The following PPP2R2C variants were observed in gnomAD, a reference collection of about 807,000 sequenced individuals.
PPP2R2C encodes the protein protein phosphatase 2, regulatory subunit B, gamma.
Under a neutral mutation model 45.3 loss-of-function variants are expected in PPP2R2C, and 10 were observed. The observed-to-expected ratio is 0.22, with a 90% CI of 0.14 to 0.37. PPP2R2C has a LOEUF of 0.37. PPP2R2C is among the 10% of genes least tolerant of loss of function. PPP2R2C has a pLI of 1.00. For synonymous variants in PPP2R2C, 257 were observed against 245.4 expected (o/e 1.05, Z -0.44); for missense variants, 308 against 619.7 (o/e 0.50, Z 5.34).
At chr4:6,483,328 G>T (rs1414460099) in intron 2 of PPP2R2C, among the ~76,000 whole-genome samples, 2 of 152,068 alleles carry the variant, frequency 1.3e-5, no homozygotes, top group East Asian at 3.8e-4. Context: ...AGAATAGTTT[G>T]TGTTATTATA....
intron 1 of PPP2R2C, among the ~76,000 whole-genome samples, chr4:6,458,770 G>A (rs540628654): frequency 5.9e-5 from 9 of 152,152 alleles, no homozygotes; most frequent in Non-Finnish European, 1.0e-4. Context: ...CTACTGACAC[G>A]TTGTGGGATG....
intron 1 of PPP2R2C, among the ~76,000 whole-genome samples, chr4:6,428,507 G>A (rs564501218): frequency 1.3e-5 from 2 of 152,370 alleles, no homozygotes; most frequent in East Asian, 3.9e-4. Flanking sequence ...AGACAGGGAA[G>A]AAACCAATTG....
intron 5 of PPP2R2C, chr4:6,351,075 C>T (rs970976507): frequency 5.2e-6 from 5 of 958,590 alleles, no homozygotes; most frequent in Non-Finnish European, 5.0e-6. Context: ...GAGGTCAAGG[C>T]GAGCAGGTCA....
At chr4:6,349,092 G>C in intron 5 of PPP2R2C, 1 of 985,260 alleles carries the variant, frequency 1.0e-6, no homozygotes, top group South Asian at 4.7e-5. Context: ...AGCATGCAAG[G>C]ACTGGCACCC....
At chr4:6,542,287 C>G (rs925660447) in intron 1 of PPP2R2C, among the ~76,000 whole-genome samples, 9 of 152,230 alleles carry the variant, frequency 5.9e-5, no homozygotes, top group African/African-American at 1.9e-4. Context: ...GGGATGCTCC[C>G]CCAAACCTCA....
chr4:6,473,758 T>G (rs1268563250), upstream of PPP2R2C, among the ~76,000 whole-genome samples: 1 of 152,168 alleles, frequency 6.6e-6, no homozygotes, highest in Non-Finnish European at 1.5e-5. Context: ...GCAGGGAGAC[T>G]GGGGCTGTGG....
At chr4:6,339,989 ACT>A (rs1282511512) in intron 6 of PPP2R2C, among the ~76,000 whole-genome samples, 1 of 151,882 alleles carries the variant, frequency 6.6e-6, no homozygotes, top group Non-Finnish European at 1.5e-5. Context: ...AGGTGATGCC[ACT>A]GTTTGGGGAG....
chr4:6,525,630 G>C (rs1577239489), intron 2 of PPP2R2C, among the ~76,000 whole-genome samples: 1 of 152,140 alleles, frequency 6.6e-6, no homozygotes, highest in East Asian at 1.9e-4. Flanking sequence ...CCTTTCGAAA[G>C]CCTTGCCCTA....
At chr4:6,523,836 C>T (rs1447853956) in intron 2 of PPP2R2C, among the ~76,000 whole-genome samples, 2 of 152,174 alleles carry the variant, frequency 1.3e-5, no homozygotes, top group Non-Finnish European at 1.5e-5. Context: ...CATCCACAGA[C>T]GAATGGATAA....
chr4:6,453,603 C>T (rs1251113182), intron 1 of PPP2R2C, among the ~76,000 whole-genome samples: 1 of 151,880 alleles, frequency 6.6e-6, no homozygotes, highest in Non-Finnish European at 1.5e-5. Flanking sequence ...ACGTGGTGTG[C>T]ACCGGGTCTG....
rs144233362 is a variant in PPP2R2C, at chr4:6,552,433, C to G, written c.-59+11127G>C. On this transcript the variant is annotated intron_variant, in intron 1 of 9. Coordinates refer to the PPP2R2C transcript ENST00000506140. ...GGTGTCCGCATTCCTTGGCTCATGA[C>G]CCCTCCCTCCATCTTCAAAACCATC... 2.5e-3 allele frequency among the ~76,000 whole-genome samples: 382 copies of G among 152,110 alleles called. 4 individuals are homozygous for G. Among genetic ancestry groups the G allele is most frequent in the African/African-American group, 9.0e-3 (374 of 41,470 alleles).
chr4:6,474,344 T>G (rs938515748), upstream of PPP2R2C, among the ~76,000 whole-genome samples: 1 of 152,098 alleles, frequency 6.6e-6, no homozygotes, highest in Non-Finnish European at 1.5e-5. Context: ...CAACCTCATC[T>G]GTAAAGTGGA....
At chr4:6,381,720 C>T in intron 1 of PPP2R2C, 1 of 1,575,208 alleles carries the variant, frequency 6.3e-7, no homozygotes, top group Non-Finnish European at 8.6e-7. Flanking sequence ...GCACTTCATC[C>T]CAACCATGTT....
Position 6,378,434 on chromosome 4 carries a change from C to G in PPP2R2C, c.307G>C (p.Ala103Pro), listed in dbSNP as rs768337204. 1.2e-6 allele frequency: 2 copies of G among 1,614,182 alleles called. No individual in the cohort carries two copies. The highest frequency in any genetic ancestry group is 1.7e-4 in the Middle Eastern group (1 of 6,060). Reference sequence around the variant, plus strand: ...TTGGTGGACAGGAGTGAGTGGGCGGCGTTCTGCTGTGGGAGCCACTTGATC... The same window carrying G: ...TTGGTGGACAGGAGTGAGTGGGCGGGGTTCTGCTGTGGGAGCCACTTGATC... ...NKIKWLPQQNAAHSLLSTNDK... is the reference protein window; with the variant it reads ...NKIKWLPQQNPAHSLLSTNDK... The change falls in exon 3 of 9, where the codon GCC (alanine) becomes CCC (proline). Residue 103 changes from alanine to proline, a missense_variant. By Grantham distance (27) the Ala-to-Pro change is conservative. Coordinates refer to ENST00000382599, the MANE Select transcript of PPP2R2C (RefSeq NM_020416.4). The surrounding 1 kb of genome is among the most constrained non-coding windows in gnomAD (Gnocchi z 5.2).
intron 1 of PPP2R2C, among the ~76,000 whole-genome samples, chr4:6,394,464 G>C (rs1242040855): frequency 6.6e-6 from 1 of 152,266 alleles, no homozygotes; most frequent in Non-Finnish European, 1.5e-5. Context: ...ATGACAGAGA[G>C]AGGAAAAGGG....
intron 2 of PPP2R2C, among the ~76,000 whole-genome samples, chr4:6,501,422 C>T (rs927380554): frequency 7.9e-5 from 12 of 152,128 alleles, no homozygotes; most frequent in Non-Finnish European, 1.8e-4. Flanking sequence ...AAAATGCTGA[C>T]GGAGACCCTC....
intron 1 of PPP2R2C, among the ~76,000 whole-genome samples, chr4:6,434,683 C>T (rs1719811074): frequency 6.6e-6 from 1 of 152,114 alleles, no homozygotes; most frequent in Admixed American, 6.6e-5. Flanking sequence ...TTCCATCAGA[C>T]AAGGATTAGA....
At chr4:6,503,723 C>T (rs1190854622) in intron 2 of PPP2R2C, among the ~76,000 whole-genome samples, 4 of 151,700 alleles carry the variant, frequency 2.6e-5, no homozygotes, top group Non-Finnish European at 4.4e-5. Context: ...TGTAAGCAAA[C>T]CTAAACATCC....
rs866775744 is a variant in PPP2R2C, at chr4:6,350,096, G to A, written c.626-2086C>T. The A allele has an allele frequency of 2.4e-5, 24 of 985,422 alleles. No homozygotes were observed. In the South Asian group the frequency reaches 8.5e-4, roughly 35 times the overall value. 61.0% of individuals were successfully genotyped at this position (985,422 alleles called of 1,614,324 possible). A position where few individuals can be genotyped will look rare whatever the true frequency, so the allele number is the denominator to read the frequency against. ...GAAAGAGAGGGAAAAATGAGTTAAG[G>A]CATCACTGCCTGGCTGGTTTCCCAG... On this transcript the variant is annotated intron_variant, in intron 5 of 8. Coordinates refer to ENST00000382599, the MANE Select transcript of PPP2R2C (RefSeq NM_020416.4).
Sources: allele counts gnomAD v4.1 joint callset (sites outside exome capture counted in the v4.1 genomes callset), GRCh38; gene constraint gnomAD v4.1.1; non-coding constraint Gnocchi (gnomAD v3.1); transcripts MANE v1.5; gene names NCBI Gene and HGNC (gene_info 2026-07-23, HGNC 2026-07-21).